The following ULK4 variants were observed in gnomAD, a reference collection of about 807,000 sequenced individuals.
ULK4 encodes the protein inactive serine/threonine-protein kinase ULK4.
A neutral mutation model predicts 160.6 loss-of-function variants in ULK4; 133 were observed. That is an observed-to-expected ratio of 0.83 (90% CI 0.72 to 0.96). The LOEUF (loss-of-function observed/expected upper bound fraction) is 0.96. ULK4 is among the 40% of genes least tolerant of loss of function. The pLI is 0.00. For missense variants in ULK4, 1,580 were observed against 1,499.5 expected (o/e 1.05, Z -0.89); for synonymous variants, 534 against 539.8 (o/e 0.99, Z 0.15).
chr3:41,368,730 T>C (rs993899908), intron 35 of ULK4, among the ~76,000 whole-genome samples: 10 of 152,254 alleles, frequency 6.6e-5, no homozygotes, highest in Admixed American at 5.2e-4. Flanking sequence ...CATTCCTTTT[T>C]ATGACTGAAT....
intron 20 of ULK4, among the ~76,000 whole-genome samples, chr3:41,797,908 C>G (rs1032975307): frequency 6.8e-6 from 1 of 147,882 alleles, no homozygotes; most frequent in Non-Finnish European, 1.5e-5. Context: ...CAAAAGAAAA[C>G]AAAACAAAAG....
intron 19 of ULK4, among the ~76,000 whole-genome samples, chr3:41,807,390 T>C (rs1209765000): frequency 6.6e-6 from 1 of 152,182 alleles, no homozygotes; most frequent in Non-Finnish European, 1.5e-5. Flanking sequence ...TGTTACAATA[T>C]GCATTTACTG....
At chr3:41,391,386 G>C (rs1449668855) in intron 35 of ULK4, among the ~76,000 whole-genome samples, 10 of 152,022 alleles carry the variant, frequency 6.6e-5, no homozygotes, top group Non-Finnish European at 1.5e-4. Flanking sequence ...AATTTTACTG[G>C]TTTTACATCA....
intron 17 of ULK4, among the ~76,000 whole-genome samples, chr3:41,864,692 T>G (rs1613761): frequency 6.6e-6 from 1 of 151,950 alleles, no homozygotes; most frequent in Non-Finnish European, 1.5e-5. Context: ...AGCAAGCAGG[T>G]TGCTTGAGTC....
At chr3:41,523,989 C>T (rs2125934144) in intron 32 of ULK4, among the ~76,000 whole-genome samples, 1 of 152,174 alleles carries the variant, frequency 6.6e-6, no homozygotes. Flanking sequence ...TTGGATGAAC[C>T]TTGAAAATGT....
intron 21 of ULK4, among the ~76,000 whole-genome samples, chr3:41,761,326 A>ATTT (rs1362312642): frequency 2.0e-5 from 3 of 148,450 alleles, no homozygotes; most frequent in African/African-American, 7.4e-5. Flanking sequence ...ATACTATGTT[A>ATTT]TGTTATATAT....
At chr3:41,266,769 A>G (rs760598427) in intron 35 of ULK4, among the ~76,000 whole-genome samples, 4 of 152,176 alleles carry the variant, frequency 2.6e-5, no homozygotes, top group Non-Finnish European at 5.9e-5. Flanking sequence ...TAAGACCAAG[A>G]AAATGATTTC....
intron 32 of ULK4, among the ~76,000 whole-genome samples, chr3:41,496,306 A>G (rs1025752945): frequency 2.0e-4 from 30 of 152,158 alleles, no homozygotes; most frequent in Non-Finnish European, 2.5e-4. Context: ...GTACCAAACT[A>G]GTCCTTCTAT....
intron 17 of ULK4, among the ~76,000 whole-genome samples, chr3:41,838,162 A>G (rs1432978739): frequency 4.6e-5 from 7 of 152,214 alleles, no homozygotes; most frequent in African/African-American, 1.7e-4. Context: ...GAGAAAGAAA[A>G]TGACGAAAGA....
At chr3:41,571,940 C>G (rs1348991891) in intron 31 of ULK4, among the ~76,000 whole-genome samples, 2 of 152,184 alleles carry the variant, frequency 1.3e-5, no homozygotes, top group Non-Finnish European at 1.5e-5. Context: ...CAGTTATAAG[C>G]AGAGCTGCCA....
At chr3:41,313,960 C>G (rs899584959) in intron 35 of ULK4, among the ~76,000 whole-genome samples, 1 of 152,080 alleles carries the variant, frequency 6.6e-6, no homozygotes, top group African/African-American at 2.4e-5. Flanking sequence ...CCACTGCGTC[C>G]CAGGGAAGCC....
chr3:41,313,509 A>G (rs1167787957), intron 35 of ULK4, among the ~76,000 whole-genome samples: 1 of 151,978 alleles, frequency 6.6e-6, no homozygotes, highest in Non-Finnish European at 1.5e-5. Flanking sequence ...ATTGTTTTCT[A>G]TTTCATTAAT....
intron 22 of ULK4, among the ~76,000 whole-genome samples, chr3:41,722,284 A>G (rs1236390156): frequency 6.6e-6 from 1 of 152,184 alleles, no homozygotes; most frequent in Non-Finnish European, 1.5e-5. Flanking sequence ...ACCATGCTCA[A>G]AAGTCCTGCC....
intron 35 of ULK4, among the ~76,000 whole-genome samples, chr3:41,340,129 A>G (rs892654464): frequency 2.6e-5 from 4 of 152,246 alleles, no homozygotes; most frequent in African/African-American, 9.6e-5. Flanking sequence ...GTTAATTTGG[A>G]TGGAAAGTAT....
intron 30 of ULK4, among the ~76,000 whole-genome samples, chr3:41,634,156 C>G (rs549165774): frequency 1.3e-5 from 2 of 152,290 alleles, no homozygotes; most frequent in Non-Finnish European, 2.9e-5. Flanking sequence ...TGATGGATGG[C>G]CTAATGCCTA....
chr3:41,558,695 C>T (rs879540698), intron 32 of ULK4, among the ~76,000 whole-genome samples: 16 of 138,046 alleles, frequency 1.2e-4, no homozygotes, highest in Non-Finnish European at 1.9e-4. Flanking sequence ...TAGAGCAAGA[C>T]TCCATCTCAA....
chr3:41,391,900 G>A (rs1487158906), intron 35 of ULK4, among the ~76,000 whole-genome samples: 1 of 152,046 alleles, frequency 6.6e-6, no homozygotes, highest in South Asian at 2.1e-4. Context: ...CCAGGTAGAC[G>A]GGTGAGAAGG....
In ULK4 at chr3:41,912,882, A is replaced by G. The variant is rs1043360948; in HGVS notation, c.821T>C (p.Leu274Pro). The part of the protein sequence containing the change: ...DPQKRLTWTR[L>P]LQHSFWKKAF... ...TTTCTTCCAAAATGAATGCTGCAGT[A>G]GCCTTGTCCAAGTCAATCTTTAAAA... Residue 274 changes from leucine (L) to proline (P), a missense_variant, in exon 9 of 37, where the codon CTA (leucine) becomes CCA (proline). Leu to Pro is a moderately conservative substitution (Grantham distance 98). Coordinates refer to ENST00000301831, the MANE Select transcript of ULK4 (RefSeq NM_017886.4). The G allele has an allele frequency of 6.2e-7, 1 of 1,614,010 alleles. No individual in the cohort carries two copies. Among genetic ancestry groups the G allele is most frequent in the Non-Finnish European group, 8.5e-7 (1 of 1,180,028 alleles).
chr3:41,676,450 G>T (rs1023510635), intron 29 of ULK4, among the ~76,000 whole-genome samples: 1 of 152,080 alleles, frequency 6.6e-6, no homozygotes, highest in Non-Finnish European at 1.5e-5. Flanking sequence ...AAACTCAAAA[G>T]CAAAGCACAG....
Sources: allele counts gnomAD v4.1 joint callset (sites outside exome capture counted in the v4.1 genomes callset), GRCh38; gene constraint gnomAD v4.1.1; transcripts MANE v1.5; gene names NCBI Gene and HGNC (gene_info 2026-07-23, HGNC 2026-07-21).